Variants in LRP1B observed in about 807,000 individuals in gnomAD.
LRP1B encodes the protein low-density lipoprotein receptor-related protein 1B.
LRP1B carries 217 observed loss-of-function variants against 556.6 expected under a neutral mutation model. That is an observed-to-expected ratio of 0.39 (90% CI 0.35 to 0.44). LRP1B has a LOEUF of 0.44. Among genes scored for constraint, LRP1B ranks in the 20% least tolerant of loss-of-function variants. LRP1B has a pLI of 1.00. For synonymous variants in LRP1B, 2,047 were observed against 1,865.8 expected (o/e 1.10, Z -2.50); for missense variants, 5,053 against 5,620.8 (o/e 0.90, Z 3.23).
intron 7 of LRP1B, among the ~76,000 whole-genome samples, chr2:141,150,943 A>C (rs1167643761): frequency 1.4e-5 from 2 of 147,874 alleles, no homozygotes; most frequent in African/African-American, 5.0e-5. Flanking sequence ...TTTTATAATC[A>C]AAGAGGGTAA....
chr2:141,395,107 C>A (rs75220032), intron 3 of LRP1B, among the ~76,000 whole-genome samples: 11,731 of 151,974 alleles, frequency 0.077, 684 homozygotes, highest in African/African-American at 0.16. Context: ...CTGTTGTAAC[C>A]TCATTTTACT....
intron 11 of LRP1B, among the ~76,000 whole-genome samples, chr2:141,044,267 A>G (rs1364165611): frequency 6.6e-6 from 1 of 151,572 alleles, no homozygotes; most frequent in Non-Finnish European, 1.5e-5. Flanking sequence ...ACAAAAATCA[A>G]TTCAAGGTGG....
intron 6 of LRP1B, among the ~76,000 whole-genome samples, chr2:141,210,578 T>C (rs1573656305): frequency 6.6e-6 from 1 of 152,150 alleles, no homozygotes; most frequent in Admixed American, 6.5e-5. Flanking sequence ...GTAGATAAAA[T>C]GAACCTGATA....
intron 2 of LRP1B, among the ~76,000 whole-genome samples, chr2:141,694,593 A>G (rs1476212282): frequency 3.9e-5 from 6 of 151,940 alleles, no homozygotes; most frequent in Admixed American, 3.9e-4. Flanking sequence ...ATGATTAGGA[A>G]ATCTCTAAAA....
At chr2:140,602,492 A>G (rs1428298304) in intron 41 of LRP1B, among the ~76,000 whole-genome samples, 1 of 152,062 alleles carries the variant, frequency 6.6e-6, no homozygotes, top group Non-Finnish European at 1.5e-5. Flanking sequence ...AGCATGTTTA[A>G]TTTAACAAAG....
intron 2 of LRP1B, among the ~76,000 whole-genome samples, chr2:141,599,057 C>T (rs1375293211): frequency 2.6e-4 from 15 of 57,796 alleles, no homozygotes; most frequent in South Asian, 1.2e-3. Context: ...CCCCCCGCCC[C>T]CCCCCCCCCC....
chr2:140,706,035 G>A (rs112480009), intron 37 of LRP1B, among the ~76,000 whole-genome samples: 4,438 of 152,138 alleles, frequency 0.029, 76 homozygotes, highest in Middle Eastern at 0.054. Context: ...CTCCAAGCTC[G>A]TAAAACTGCA....
chr2:142,050,171 T>C (rs1244313853), intron 1 of LRP1B, among the ~76,000 whole-genome samples: 3 of 152,154 alleles, frequency 2.0e-5, no homozygotes, highest in African/African-American at 7.2e-5. Context: ...TACATAGGTA[T>C]ACACACACAG....
At chr2:141,216,386 C>T (rs1353360472) in intron 6 of LRP1B, among the ~76,000 whole-genome samples, 1 of 152,170 alleles carries the variant, frequency 6.6e-6, no homozygotes, top group Non-Finnish European at 1.5e-5. Context: ...AGCGTGGTTG[C>T]CCATGCAGAA....
chr2:140,847,567 G>T (rs1379950861), intron 29 of LRP1B, among the ~76,000 whole-genome samples: 2 of 152,004 alleles, frequency 1.3e-5, no homozygotes, highest in Non-Finnish European at 2.9e-5. Flanking sequence ...AGGAGTTTGA[G>T]ACCAGCCTGG....
At chr2:141,022,012 T>C (rs1698077832) in intron 11 of LRP1B, among the ~76,000 whole-genome samples, 2 of 151,910 alleles carry the variant, frequency 1.3e-5, no homozygotes, top group South Asian at 4.1e-4. Flanking sequence ...TAGGATTGTA[T>C]CTTTTGTTTT....
chr2:140,506,684 G>A (rs1689429327), intron 53 of LRP1B, 112 bp downstream of exon 53: 27 of 1,065,256 alleles, frequency 2.5e-5, no homozygotes, highest in Middle Eastern at 2.1e-4. Flanking sequence ...TTCACTGGGT[G>A]TTGATGACAC....
At chr2:141,567,603 T>C (rs1686378151) in intron 2 of LRP1B, among the ~76,000 whole-genome samples, 2 of 152,056 alleles carry the variant, frequency 1.3e-5, no homozygotes, top group South Asian at 2.1e-4. Context: ...TGTTAAATAA[T>C]AAGAAAAGAT....
At chr2:141,103,534 C>CTCTCTCTCTCTCTCTCTCTCTCTCTCTG (rs1463838258) in intron 7 of LRP1B, among the ~76,000 whole-genome samples, 4 of 151,934 alleles carry the variant, frequency 2.6e-5, no homozygotes, top group African/African-American at 9.7e-5. Flanking sequence ...CTCTCTCTCT[C>CTCTCTCTCTCTCTCTCTCTCTCTCTCTG]TTAAAAAGTT....
At chr2:140,412,213 G>T (rs1684994192) in intron 66 of LRP1B, among the ~76,000 whole-genome samples, 1 of 152,034 alleles carries the variant, frequency 6.6e-6, no homozygotes, top group African/African-American at 2.4e-5. Context: ...TTCAACAAAT[G>T]AATTTCAACT....
chr2:140,897,769 C>T (rs911104815), intron 23 of LRP1B, among the ~76,000 whole-genome samples: 3 of 152,180 alleles, frequency 2.0e-5, no homozygotes, highest in Non-Finnish European at 2.9e-5. Context: ...CTTGTACCTA[C>T]ACCAGTGATT....
rs181045043 is a variant in LRP1B, at chr2:140,575,262, C to T, written c.7194+23369G>A. On this transcript the variant is annotated intron_variant, in intron 43 of 90. Coordinates refer to ENST00000389484, the MANE Select transcript of LRP1B (RefSeq NM_018557.3). The stretch of plus-strand genomic sequence containing the variant: ...TCTATGAAATGGGAAAAGTTATCTG[C>T]ATAATCTCTAAGTGCCCATCTATTT... Among the ~76,000 whole-genome samples, 43 of 152,238 alleles carry T rather than the reference C, an allele frequency of 2.8e-4. 1 individual carries two copies. Among genetic ancestry groups the T allele is most frequent in the Admixed American group, 1.7e-3 (26 of 15,284 alleles).
chr2:141,977,676 C>T (rs758657487), intron 1 of LRP1B, among the ~76,000 whole-genome samples: 6 of 152,148 alleles, frequency 3.9e-5, no homozygotes, highest in Non-Finnish European at 8.8e-5. Context: ...GTTAAACAAT[C>T]ACCATGAAAT....
intron 41 of LRP1B, among the ~76,000 whole-genome samples, chr2:140,691,094 T>A (rs1296541949): frequency 6.6e-6 from 1 of 152,188 alleles, no homozygotes; most frequent in Admixed American, 6.5e-5. Flanking sequence ...CAAAATCAAA[T>A]GTGTTTTGAA....
Sources: allele counts gnomAD v4.1 joint callset (sites outside exome capture counted in the v4.1 genomes callset), GRCh38; gene constraint gnomAD v4.1.1; transcripts MANE v1.5; gene names NCBI Gene and HGNC (gene_info 2026-07-23, HGNC 2026-07-21).